Variants in STK24 observed in about 807,000 individuals in gnomAD.
The protein encoded by STK24 is serine/threonine-protein kinase 24.
In STK24, 21 loss-of-function variants were observed where a neutral mutation model predicts 55.6. That is an observed-to-expected ratio of 0.38 (90% CI 0.27 to 0.54). The LOEUF (loss-of-function observed/expected upper bound fraction) is 0.54, where lower values mean the gene tolerates loss of function less well. Ranked by LOEUF, STK24 falls within the 20% of genes least tolerant of loss-of-function variation. STK24 has a pLI of 0.79. For missense variants in STK24, 383 were observed against 538.4 expected (o/e 0.71, Z 2.86); for synonymous variants, 200 against 215.2 (o/e 0.93, Z 0.62).
intron 2 of STK24, among the ~76,000 whole-genome samples, chr13:98,499,497 T>C (rs1217853240): frequency 6.6e-6 from 1 of 152,200 alleles, no homozygotes; most frequent in Non-Finnish European, 1.5e-5. Flanking sequence ...CACTGAGTCC[T>C]GGCTCATCAG....
At chr13:98,479,039 A>AT (rs1894490169) in intron 3 of STK24, among the ~76,000 whole-genome samples, 1 of 152,214 alleles carries the variant, frequency 6.6e-6, no homozygotes, top group Non-Finnish European at 1.5e-5. Context: ...AGCCCCTGAC[A>AT]CGCGGGAGGC....
chr13:98,560,263 T>TA (rs1897385137), intron 1 of STK24, among the ~76,000 whole-genome samples: 1 of 152,208 alleles, frequency 6.6e-6, no homozygotes, highest in African/African-American at 2.4e-5. Flanking sequence ...TATGGCTCAA[T>TA]ATTGCCCCTG....
At chr13:98,543,611 C>G (rs1290768150) in intron 1 of STK24, among the ~76,000 whole-genome samples, 1 of 152,136 alleles carries the variant, frequency 6.6e-6, no homozygotes, top group East Asian at 1.9e-4. Context: ...ACAGAGAATA[C>G]AGAGAGAGGG....
chr13:98,512,408 G>A (rs1206562980), intron 2 of STK24, among the ~76,000 whole-genome samples: 1 of 152,008 alleles, frequency 6.6e-6, no homozygotes, highest in East Asian at 1.9e-4. Flanking sequence ...ACCAGAAAAT[G>A]AGCAGCAATT....
intron 1 of STK24, among the ~76,000 whole-genome samples, chr13:98,566,109 T>A (rs1482000351): frequency 6.6e-6 from 1 of 152,118 alleles, no homozygotes; most frequent in Non-Finnish European, 1.5e-5. Flanking sequence ...GCTGCCCACC[T>A]TGCTGTGCCA....
At chr13:98,544,740 G>A (rs925026883) in intron 1 of STK24, among the ~76,000 whole-genome samples, 2 of 152,204 alleles carry the variant, frequency 1.3e-5, no homozygotes, top group African/African-American at 4.8e-5. Flanking sequence ...GAATTCCCAA[G>A]GGAGAGGGGA....
intron 1 of STK24, among the ~76,000 whole-genome samples, chr13:98,525,491 AGGGGATGGGGGC>A (rs1405158723): frequency 2.6e-5 from 4 of 152,204 alleles, no homozygotes; most frequent in African/African-American, 9.6e-5. Context: ...CAAGAAGACT[AGGGGATGGGGGC>A]GGGGATGGGA....
At chr13:98,571,922 C>T (rs558131342) in intron 1 of STK24, among the ~76,000 whole-genome samples, 107 of 152,320 alleles carry the variant, frequency 7.0e-4, no homozygotes, top group Non-Finnish European at 1.3e-3. Context: ...CCAGCACTCC[C>T]CACACCTGAG....
In STK24 at chr13:98,447,106, A is replaced by G; in HGVS notation, c.*6067T>C. On this transcript the variant is annotated 3_prime_UTR_variant, in exon 11 of 11. Transcript: ENST00000539966. ...GTCCGGGATGATGAAGCTAAGCCCC[A>G]GTGAGACTGCCTACATGGTGTAATG... 1 of 355,158 alleles carries G rather than the reference A, an allele frequency of 2.8e-6. No individual in the cohort carries two copies. Among genetic ancestry groups the G allele is most frequent in the Non-Finnish European group, 5.3e-6 (1 of 190,336 alleles). The allele number at this position is 355,158 out of a possible 1,614,324, so 22.0% of individuals were successfully genotyped here. A position where few individuals can be genotyped will look rare whatever the true frequency, so the allele number is the denominator to read the frequency against.
chr13:98,454,031 G>C (rs547882025), intron 10 of STK24: 8 of 152,246 alleles, frequency 5.3e-5, no homozygotes, highest in African/African-American at 1.9e-4. Flanking sequence ...TCAGATTGGG[G>C]ATTTGGGATA....
intron 2 of STK24, 141 bp from the exon 3 acceptor site, chr13:98,482,462 G>A (rs1894629363): frequency 3.6e-6 from 2 of 557,248 alleles, no homozygotes; most frequent in Non-Finnish European, 6.4e-6. Context: ...GTGTGTCAAA[G>A]TGAGAGCTGT....
At chr13:98,535,360 A>C (rs1167965584) in intron 1 of STK24, among the ~76,000 whole-genome samples, 27 of 42,308 alleles carry the variant, frequency 6.4e-4, no homozygotes, top group Middle Eastern at 0.01. Flanking sequence ...AAACAAACAA[A>C]CAAAAAAAAA....
At chr13:98,493,951 T>C (rs1158305996) in intron 2 of STK24, among the ~76,000 whole-genome samples, 1 of 150,674 alleles carries the variant, frequency 6.6e-6, no homozygotes, top group Non-Finnish European at 1.5e-5. Context: ...CACACCATTA[T>C]CCTGCCTCAG....
intron 1 of STK24, among the ~76,000 whole-genome samples, chr13:98,524,428 G>A (rs1349266417): frequency 1.3e-5 from 2 of 152,206 alleles, no homozygotes; most frequent in African/African-American, 2.4e-5. Context: ...GAGAGGCCAC[G>A]TGGAAGAGAG....
chr13:98,553,093 A>C (rs1342967310), intron 1 of STK24: 1 of 152,094 alleles, frequency 6.6e-6, no homozygotes, highest in Non-Finnish European at 1.5e-5. Context: ...TGCACCTTAC[A>C]CTCAATTTTG....
chr13:98,514,824 T>G (rs1386153666), intron 2 of STK24, among the ~76,000 whole-genome samples: 1 of 152,206 alleles, frequency 6.6e-6, no homozygotes, highest in Admixed American at 6.5e-5. Context: ...CTTGTGAATT[T>G]TGAGTCTGTT....
chr13:98,461,038 C>T (rs946766596), intron 8 of STK24, among the ~76,000 whole-genome samples: 9 of 133,650 alleles, frequency 6.7e-5, no homozygotes, highest in African/African-American at 2.3e-4. Flanking sequence ...ACAGAGACCC[C>T]GTCTCAAAAA....
intron 10 of STK24, chr13:98,454,492 G>A (rs143312331): frequency 1.3e-5 from 2 of 152,246 alleles, no homozygotes; most frequent in African/African-American, 2.4e-5. Context: ...GGTTACATAA[G>A]GTCCTCCCAA....
At position 98,457,161 on chromosome 13, in the gene STK24, T is replaced by C; in HGVS notation, c.1259+7A>G. ...TTCCCCAGCCCAGAGGGGCCCTGGG[T>C]AGTTACCTCTGGAGCCGCTGCACGA... On this transcript the variant is annotated splice_region_variant and intron_variant, in intron 10 of 10. Transcript: ENST00000539966. 1 of 1,609,392 alleles carries C rather than the reference T, an allele frequency of 6.2e-7. No homozygotes were observed. Among genetic ancestry groups the C allele is most frequent in the Non-Finnish European group, 8.5e-7 (1 of 1,178,828 alleles).
Sources: gnomAD v4.1 joint callset for allele counts (sites outside exome capture counted in the v4.1 genomes callset) on GRCh38, gnomAD v4.1.1 for gene constraint, MANE v1.5 for transcripts, NCBI Gene and HGNC (gene_info 2026-07-23, HGNC 2026-07-21) for gene names.